Variants in EYA2 observed in about 807,000 individuals in gnomAD.
EYA2 encodes EYA transcriptional coactivator and phosphatase 2.
A neutral mutation model predicts 69.2 loss-of-function variants in EYA2; 31 were observed. The observed-to-expected ratio is 0.45, with a 90% CI of 0.34 to 0.60. The LOEUF is 0.60. Among genes scored for constraint, EYA2 ranks in the 20% least tolerant of loss-of-function variants. EYA2 has a pLI of 0.02. For synonymous variants in EYA2, 257 were observed against 279.4 expected (o/e 0.92, Z 0.80); for missense variants, 622 against 701.2 (o/e 0.89, Z 1.28).
At chr20:46,948,109 CAAAAAA>C (rs72010207) in intron 1 of EYA2, among the ~76,000 whole-genome samples, 3 of 134,024 alleles carry the variant, frequency 2.2e-5, no homozygotes. Flanking sequence ...GACCTTGTCT[CAAAAAA>C]AAAAAAAAGA....
At chr20:47,122,149 C>G (rs757083446) in intron 9 of EYA2, among the ~76,000 whole-genome samples, 1 of 152,116 alleles carries the variant, frequency 6.6e-6, no homozygotes, top group East Asian at 1.9e-4. Flanking sequence ...AGAAACCACC[C>G]CCTATAAATG....
At chr20:47,147,407 C>T (rs777028208) in intron 10 of EYA2, among the ~76,000 whole-genome samples, 1 of 152,068 alleles carries the variant, frequency 6.6e-6, no homozygotes, top group Non-Finnish European at 1.5e-5. Flanking sequence ...GAGGCCATGC[C>T]GATATCTGGG....
chr20:46,987,105 G>T (rs1168050930), intron 1 of EYA2, among the ~76,000 whole-genome samples: 2 of 152,158 alleles, frequency 1.3e-5, no homozygotes, highest in African/African-American at 4.8e-5. Context: ...TGATACAGGG[G>T]TTGGCAAACT....
intron 10 of EYA2, among the ~76,000 whole-genome samples, chr20:47,154,819 T>TTGTGTGTGTGTG (rs11472542): frequency 0.017 from 2,327 of 140,826 alleles, 19 homozygotes; most frequent in African/African-American, 0.027. Context: ...TTATTTTGTT[T>TTGTGTGTGTGTG]TGTGTGTGTG....
intron 5 of EYA2, among the ~76,000 whole-genome samples, chr20:47,017,054 T>C (rs1322399181): frequency 1.3e-5 from 2 of 152,098 alleles, no homozygotes; most frequent in Non-Finnish European, 2.9e-5. Context: ...AAGAACTCCA[T>C]TGTGTAACCC....
In EYA2 at chr20:47,188,087, C is replaced by A. The variant is rs1397769653; in HGVS notation, c.1571C>A (p.Ala524Glu). 2 of 1,586,582 alleles carry A rather than the reference C, an allele frequency of 1.3e-6. No homozygotes were observed. The highest frequency in any genetic ancestry group is 1.7e-6 in the Non-Finnish European group (2 of 1,166,512). ...NMPFWRISCH[A>E]DLEALRHALE... ...CCTTTCTGGCGGATATCCTGCCACG[C>A]AGACCTGGAGGCACTGAGGCACGCC... is the stretch of plus-strand genomic sequence containing the variant. Residue 524 changes from alanine to glutamate, a missense_variant, in exon 16 of 16, where the codon GCA (alanine) becomes GAA (glutamate). Physicochemically the swap from Ala to Glu is moderately radical, Grantham distance 107 (BLOSUM62 -1). Transcript: ENST00000327619.
chr20:47,121,025 C>G (rs890053258), intron 9 of EYA2, among the ~76,000 whole-genome samples: 8 of 152,006 alleles, frequency 5.3e-5, no homozygotes, highest in Non-Finnish European at 1.0e-4. Flanking sequence ...ACCATCTAGC[C>G]CTTGCAGTTC....
At chr20:47,116,709 C>G (rs1257055650) in intron 9 of EYA2, among the ~76,000 whole-genome samples, 1 of 152,214 alleles carries the variant, frequency 6.6e-6, no homozygotes, top group Non-Finnish European at 1.5e-5. Flanking sequence ...CACTCTCACG[C>G]TCCCACTGTG....
chr20:47,180,007 C>A, intron 13 of EYA2, 95 bp downstream of exon 13: 1 of 828,268 alleles, frequency 1.2e-6, no homozygotes. Flanking sequence ...GAATTGGACT[C>A]CTCAAACTCT....
At chr20:47,020,905 A>T (rs1322956836) in intron 5 of EYA2, among the ~76,000 whole-genome samples, 1 of 152,208 alleles carries the variant, frequency 6.6e-6, no homozygotes, top group Non-Finnish European at 1.5e-5. Context: ...GTAGTTAAAA[A>T]CAACTAAAAG....
intron 1 of EYA2, among the ~76,000 whole-genome samples, chr20:46,898,680 G>C (rs551422948): frequency 3.3e-5 from 5 of 152,308 alleles, no homozygotes; most frequent in African/African-American, 1.2e-4. Context: ...AGTCGGAGGA[G>C]GATAAACACC....
chr20:46,927,296 G>A (rs994403531), intron 1 of EYA2, among the ~76,000 whole-genome samples: 6 of 152,196 alleles, frequency 3.9e-5, no homozygotes, highest in Admixed American at 3.9e-4. Context: ...AGTGCTCAGT[G>A]GACAGTGTGA....
At chr20:47,002,967 T>A (rs1461038890) in intron 3 of EYA2, among the ~76,000 whole-genome samples, 1 of 152,210 alleles carries the variant, frequency 6.6e-6, no homozygotes, top group Non-Finnish European at 1.5e-5. Flanking sequence ...TGCATTCACC[T>A]GCTGTGAGGC....
At chr20:47,187,316 C>T (rs2034663921) in intron 15 of EYA2, among the ~76,000 whole-genome samples, 1 of 150,300 alleles carries the variant, frequency 6.7e-6, no homozygotes, top group African/African-American at 2.5e-5. Flanking sequence ...CTGCAGTGAG[C>T]AGAGATCATG....
chr20:47,040,643 G>A (rs766673353), intron 5 of EYA2, among the ~76,000 whole-genome samples: 4 of 152,142 alleles, frequency 2.6e-5, no homozygotes, highest in South Asian at 2.1e-4. Flanking sequence ...CACATCACAC[G>A]CATAGCTCCT....
At chr20:46,933,266 C>T (rs560992103) in intron 1 of EYA2, among the ~76,000 whole-genome samples, 3 of 152,262 alleles carry the variant, frequency 2.0e-5, no homozygotes, top group East Asian at 3.9e-4. Flanking sequence ...AGGACTCCCT[C>T]GATGTGAGCT....
rs191055606 is a variant in EYA2 at position 47,096,723 on chromosome 20, G to A, written c.805-362G>A. Among the ~76,000 whole-genome samples the A allele has an allele frequency of 2.6e-5, 4 of 152,328 alleles. No individual in the cohort carries two copies. In the East Asian group the frequency reaches 7.7e-4, roughly 29 times the overall value. ...ACTTGCTAAAAACAGAAATAGTTGA[G>A]CGTATGGTGAACAGTGAATTTAAAA... On this transcript the variant is annotated intron_variant, in intron 8 of 15. Coordinates refer to ENST00000327619, the MANE Select transcript of EYA2 (RefSeq NM_005244.5).
Position 47,133,772 on chromosome 20 carries a change from C to T in EYA2, c.889-9287C>T, listed in dbSNP as rs541455673. Among the ~76,000 whole-genome samples the T allele has an allele frequency of 8.9e-4, 135 of 152,324 alleles. 1 individual carries two copies. The highest frequency in any genetic ancestry group is 4.6e-3 in the Admixed American group (71 of 15,302). ...TTCTCCCAGCAACAATGTGTGCGAA[C>T]ACATGCCAAGTGTTGCCAACCAGGG... On this transcript the variant is annotated intron_variant, in intron 9 of 15. Coordinates refer to ENST00000327619, the MANE Select transcript of EYA2 (RefSeq NM_005244.5).
intron 1 of EYA2, among the ~76,000 whole-genome samples, chr20:46,912,955 C>T (rs1482874221): frequency 6.6e-6 from 1 of 152,030 alleles, no homozygotes; most frequent in African/African-American, 2.4e-5. Flanking sequence ...CCGCCTCGGC[C>T]TCCCAAAGTG....
Sources: gnomAD v4.1 joint callset for allele counts (sites outside exome capture counted in the v4.1 genomes callset) on GRCh38, gnomAD v4.1.1 for gene constraint, MANE v1.5 for transcripts, NCBI Gene and HGNC (gene_info 2026-07-23, HGNC 2026-07-21) for gene names.